Variants in SAMD11 observed in about 807,000 individuals in gnomAD.
SAMD11 encodes the protein sterile alpha motif domain-containing protein 11.
Under a neutral mutation model 64.4 loss-of-function variants are expected in SAMD11, and 77 were observed. That is an observed-to-expected ratio of 1.20 (90% CI 0.99 to 1.44). SAMD11 has a LOEUF of 1.44. Among genes scored for constraint, SAMD11 ranks in the 40% most tolerant of loss-of-function variants. SAMD11 has a pLI of 0.00. For synonymous variants in SAMD11, 658 were observed against 421.9 expected (o/e 1.56, Z -6.86); for missense variants, 1,402 against 943.3 (o/e 1.49, Z -6.37).
chr1:928,951 TGGGA>T (rs1413140691), intron 2 of SAMD11, among the ~76,000 whole-genome samples: 3 of 151,994 alleles, frequency 2.0e-5, no homozygotes, highest in Admixed American at 6.6e-5. Context: ...GTTGTGGCAA[TGGGA>T]GGGAGGAAGT....
In SAMD11 at chr1:924,794, C is replaced by G. The variant is rs1018864213; in HGVS notation, c.363C>G (p.Gly121=). The stretch of plus-strand genomic sequence containing the variant: ...AGCCGTGCATCGAGGTGGAGTGCGG[C>G]GCCAACCGCGCGCTGCTCTACGTGC... ...NGEPCIEVEC[G]ANRALLYVRK... is the part of the protein sequence containing the mutation. Residue 121 remains glycine (G), a synonymous_variant, in exon 1 of 14, where the codon GGC becomes GGG. Transcript: ENST00000616016. The G allele has an allele frequency of 6.6e-6, 1 of 152,204 alleles. No individual in the cohort carries two copies. Among genetic ancestry groups the G allele is most frequent in the Non-Finnish European group, 1.5e-5 (1 of 68,036 alleles). The allele number at this position is 152,204 out of a possible 1,614,324, so 9.4% of individuals were successfully genotyped here.
Position 942,170 on chromosome 1 carries a change from C to A in SAMD11, c.1393C>A (p.Gln465Lys). ...LPQPPPLLSP[Q>K]NAPHVALGPH... Reference sequence around the variant, plus strand: ...TCAGCCGCCCCCCTTGCTGTCGCCGCAGAATGCCCCTCACGTCGCCCTGGG... The same window carrying A: ...TCAGCCGCCCCCCTTGCTGTCGCCGAAGAATGCCCCTCACGTCGCCCTGGG... The change falls in exon 9 of 14, where the codon CAG becomes AAG. Residue 465 changes from glutamine (Q) to lysine (K), a missense_variant. Coordinates refer to ENST00000616016, the MANE Select transcript of SAMD11 (RefSeq NM_001385641.1). 1.4e-6 allele frequency: 2 copies of A among 1,435,916 alleles called. No homozygotes were observed. Among genetic ancestry groups the A allele is most frequent in the Non-Finnish European group, 1.8e-6 (2 of 1,088,648 alleles). The allele number at this position is 1,435,916 out of a possible 1,614,324, so 88.9% of individuals were successfully genotyped here.
chr1:943,866 G>C lies in SAMD11; in HGVS notation c.2290-42G>C, dbSNP rs777326359. 5 of 1,612,974 alleles carry C rather than the reference G, an allele frequency of 3.1e-6. No homozygotes were observed. In the South Asian group the frequency reaches 4.4e-5, roughly 14 times the overall value. On this transcript the variant is annotated intron_variant, in intron 13 of 13. Transcript: ENST00000616016. ...AGACCACAGCTGGGCAGAAAGCTCT[G>C]GGTGGGTGTGCGACAGCCCCCACCA... is the stretch of plus-strand genomic sequence containing the variant.
Position 942,260 on chromosome 1 carries a change from G to A in SAMD11, c.1474+9G>A. ...TCTGTGCCAGACCCCAGGTGAGGAG[G>A]CGGGTGCGCATCCCCTGGGAGCCCG... is the stretch of plus-strand genomic sequence containing the variant. On this transcript the variant is annotated intron_variant, in intron 9 of 13. Transcript: ENST00000616016. 1 of 1,165,116 alleles carries A rather than the reference G, an allele frequency of 8.6e-7. No individual in the cohort carries two copies. The highest frequency in any genetic ancestry group is 1.1e-6 in the Non-Finnish European group (1 of 881,088). 72.2% of individuals were successfully genotyped at this position (1,165,116 alleles called of 1,614,324 possible).
At chr1:942,376 C>T (rs1043093123) in intron 9 of SAMD11, 34 bp from the exon 10 acceptor site, 16 of 1,245,842 alleles carry the variant, frequency 1.3e-5, no homozygotes, top group African/African-American at 1.6e-5. Context: ...CCGCCTCGGA[C>T]CCCCCGACCC....
chr1:925,710 C>A, intron 1 of SAMD11: 1 of 508,842 alleles, frequency 2.0e-6, no homozygotes, highest in Non-Finnish European at 3.6e-6. Context: ...CGGGGGAGGG[C>A]GCTCCACCCG....
intron 2 of SAMD11, among the ~76,000 whole-genome samples, chr1:928,228 T>TA (rs1228968747): frequency 1.3e-5 from 2 of 151,832 alleles, no homozygotes; most frequent in Non-Finnish European, 2.9e-5. Flanking sequence ...CCGTCTCTAC[T>TA]AAAAATACAA....
chr1:927,090 C>T (rs1280661934), intron 2 of SAMD11, among the ~76,000 whole-genome samples: 2 of 152,254 alleles, frequency 1.3e-5, no homozygotes, highest in Non-Finnish European at 1.5e-5. Context: ...GGGGACACAG[C>T]CGCACCTCAC....
chr1:944,061 C>G lies in SAMD11; in HGVS notation c.2443C>G (p.His815Asp). 2 of 1,612,736 alleles carry G rather than the reference C, an allele frequency of 1.2e-6. No individual in the cohort carries two copies. The highest frequency in any genetic ancestry group is 8.5e-7 in the Non-Finnish European group (1 of 1,179,986). ...TTATSPYGGGHALAGQTSPKQ... is the reference protein window; with the variant it reads ...TTATSPYGGGDALAGQTSPKQ... Reference sequence around the variant, plus strand: ...GGCCACGTCCCCCTATGGAGGGGGCCACGCCCTTGCCGGTCAAACTTCACC... The same window carrying G: ...GGCCACGTCCCCCTATGGAGGGGGCGACGCCCTTGCCGGTCAAACTTCACC... The change falls in exon 14 of 14, where the codon CAC becomes GAC. Residue 815 changes from histidine to aspartate, a missense_variant. Coordinates refer to ENST00000616016, the MANE Select transcript of SAMD11 (RefSeq NM_001385641.1).
intron 1 of SAMD11, 62 bp from the exon 2 acceptor site, chr1:925,860 C>A: frequency 2.4e-6 from 3 of 1,256,872 alleles, no homozygotes; most frequent in Non-Finnish European, 3.5e-6. Flanking sequence ...ACTGGCCCTG[C>A]CGCTGACTGC....
chr1:942,348 G>C, intron 9 of SAMD11, 62 bp from the exon 10 acceptor site: 5 of 1,182,092 alleles, frequency 4.2e-6, no homozygotes, highest in Non-Finnish European at 5.7e-6. Flanking sequence ...GTAGGGGATT[G>C]CAAAGGGCCG....
intron 1 of SAMD11, chr1:925,215 A>C (rs1216432744): frequency 1.3e-5 from 2 of 152,236 alleles, no homozygotes; most frequent in African/African-American, 4.8e-5. Context: ...CTGGGCCTTA[A>C]GGCCCGAAGG....
chr1:933,224 C>T (rs1346456761), intron 4 of SAMD11, among the ~76,000 whole-genome samples: 1 of 152,238 alleles, frequency 6.6e-6, no homozygotes, highest in Non-Finnish European at 1.5e-5. Context: ...TCTGGGACGT[C>T]CAGGGCGTGT....
Position 943,715 on chromosome 1 carries a change from G to T in SAMD11, c.2196G>T (p.Gly732=). The part of the protein sequence containing the change: ...GEYTRVFREQ[G]IDGETLPLLT... ...CCTTCCAGGTCTTCAGGGAGCAGGG[G>T]ATCGACGGGGAGACCCTGCCACTGC... The change falls in exon 13 of 14, where the codon GGG becomes GGT. Residue 732 remains glycine, a synonymous_variant. Transcript: ENST00000616016. 6.3e-7 allele frequency: 1 copy of T among 1,591,372 alleles called. No individual in the cohort carries two copies. Among genetic ancestry groups the T allele is most frequent in the Middle Eastern group, 2.2e-4 (1 of 4,612 alleles).
chr1:935,926 G>C (rs372781463), intron 5 of SAMD11, 30 bp downstream of exon 5: 1 of 1,605,228 alleles, frequency 6.2e-7, no homozygotes, highest in African/African-American at 1.3e-5. Flanking sequence ...TGAGGGCGGG[G>C]TCGGGGCTGT....
At chr1:942,277 G>A (rs1641822694) in intron 9 of SAMD11, 26 bp downstream of exon 9, 2 of 1,058,196 alleles carry the variant, frequency 1.9e-6, no homozygotes, top group African/African-American at 3.3e-5. Context: ...CGCATCCCCT[G>A]GGAGCCCGCG....
In SAMD11 at chr1:943,641, T is replaced by C. The variant is rs1311411864; in HGVS notation, c.2179-57T>C. ...CACAAACAGCTCCTCTTGGCTCTGC[T>C]GGGCTGGAGGATGGAGCAGCACCCG... On this transcript the variant is annotated intron_variant, in intron 12 of 13. Transcript: ENST00000616016. The C allele has an allele frequency of 5.5e-6, 8 of 1,458,506 alleles. No homozygotes were observed. The South Asian group carries it at 5.8e-5, about 11-fold the overall frequency. The allele number at this position is 1,458,506 out of a possible 1,614,324, so 90.3% of individuals were successfully genotyped here.
At position 942,592 on chromosome 1, in the gene SAMD11, G is replaced by A. The variant is rs1361280891; in HGVS notation, c.1587G>A (p.Lys529=). 10 of 1,420,752 alleles carry A rather than the reference G, an allele frequency of 7.0e-6. No homozygotes were observed. Among genetic ancestry groups the A allele is most frequent in the Non-Finnish European group, 6.4e-6 (7 of 1,095,406 alleles). The allele number at this position is 1,420,752 out of a possible 1,614,324, so 88.0% of individuals were successfully genotyped here. The change falls in exon 11 of 14, where the codon AAG becomes AAA. Residue 529 remains lysine, a synonymous_variant. Coordinates refer to ENST00000616016, the MANE Select transcript of SAMD11 (RefSeq NM_001385641.1). The part of the protein sequence containing the change: ...LELPADLLRQ[K]ELESARPQLL... ...TGCCCGCCGACCTCCTGCGGCAGAA[G>A]GAGCTGGAGAGCGCGCGCCCACAGC...
chr1:939,117 G>A lies in SAMD11; in HGVS notation c.1045G>A (p.Glu349Lys), dbSNP rs200099017. The change falls in exon 6 of 14, where the codon GAA becomes AAA. Residue 349 changes from glutamate (E) to lysine (K), a missense_variant. Transcript: ENST00000616016. ...CTTTTCAGAGAAGAGGGCACGAAGC[G>A]AATCGCCTCAAGGTAAGAGCGTGGC... ...DCFSEKRARS[E>K]SPQEALLLPR... is the part of the protein sequence containing the mutation. 2.1e-5 allele frequency: 34 copies of A among 1,595,366 alleles called. No individual in the cohort carries two copies. The highest frequency in any genetic ancestry group is 1.4e-4 in the Admixed American group (8 of 57,264).
Sources: allele counts gnomAD v4.1 joint callset (sites outside exome capture counted in the v4.1 genomes callset), GRCh38; gene constraint gnomAD v4.1.1; transcripts MANE v1.5; gene names NCBI Gene and HGNC (gene_info 2026-07-23, HGNC 2026-07-21).